Variants in RNF123 observed in about 807,000 individuals in gnomAD.
RNF123 encodes ring finger protein 123, also known as E3 ubiquitin-protein ligase RNF123.
A neutral mutation model predicts 168.5 loss-of-function variants in RNF123; 86 were observed. The ratio of observed to expected loss-of-function variants is 0.51; its 90% CI spans 0.43 to 0.61. The LOEUF (loss-of-function observed/expected upper bound fraction) is 0.61. RNF123 is among the 20% of genes least tolerant of loss of function. The pLI, the probability that RNF123 is intolerant of heterozygous loss-of-function variation, is 0.00. For synonymous variants in RNF123, 666 were observed against 689.1 expected (o/e 0.97, Z 0.52); for missense variants, 1,419 against 1,729.7 (o/e 0.82, Z 3.19).
intron 20 of RNF123, among the ~76,000 whole-genome samples, 185 bp downstream of exon 20, chr3:49,702,938 C>T (rs1262457243): frequency 6.6e-6 from 1 of 152,214 alleles, no homozygotes; most frequent in Non-Finnish European, 1.5e-5. Flanking sequence ...GAGCCCTGCA[C>T]CGCAGGCCTG....
chr3:49,717,937 G>A, intron 35 of RNF123: 1 of 1,602,416 alleles, frequency 6.2e-7, no homozygotes, highest in Non-Finnish European at 8.5e-7. Context: ...CTGGGTGGGG[G>A]AGCCCTGGGC....
chr3:49,695,663 C>G (rs115716820), intron 3 of RNF123, among the ~76,000 whole-genome samples: 1,765 of 152,326 alleles, frequency 0.012, 38 homozygotes, highest in African/African-American at 0.039. Context: ...CTTGTCCAAC[C>G]TTTGTCCCCT....
In RNF123 at chr3:49,721,115, C is replaced by A. The variant is rs200170860; in HGVS notation, c.3824+10C>A. The A allele has an allele frequency of 4.6e-5, 74 of 1,613,664 alleles. No individual in the cohort carries two copies. The highest frequency in any genetic ancestry group is 1.3e-5 in the African/African-American group (1 of 74,912). On this transcript the variant is annotated intron_variant, in intron 38 of 38. Coordinates refer to ENST00000327697, the MANE Select transcript of RNF123 (RefSeq NM_022064.5). Reference sequence around the variant, plus strand: ...GCCACAAGTCCTGCAAGTAAGTGGGCCCCACAGCTTGGTGGTGGGGAGAGC... The same window carrying A: ...GCCACAAGTCCTGCAAGTAAGTGGGACCCACAGCTTGGTGGTGGGGAGAGC...
intron 35 of RNF123, chr3:49,719,221 G>C: frequency 6.2e-7 from 1 of 1,613,126 alleles, no homozygotes; most frequent in Non-Finnish European, 8.5e-7. Context: ...GAAGAGGGGC[G>C]CCAACCAGCC....
chr3:49,719,220 C>T (rs542288680), intron 35 of RNF123: 3 of 1,613,008 alleles, frequency 1.9e-6, no homozygotes, highest in South Asian at 1.1e-5. Context: ...GGAAGAGGGG[C>T]GCCAACCAGC....
chr3:49,690,053 GCC>G (rs2054098056), intron 1 of RNF123, among the ~76,000 whole-genome samples: 1 of 152,230 alleles, frequency 6.6e-6, no homozygotes, highest in Non-Finnish European at 1.5e-5. Flanking sequence ...CCCACCGAGG[GCC>G]CGAGGTCGGG....
intron 23 of RNF123, 42 bp from the exon 24 acceptor site, chr3:49,705,492 G>A (rs779287761): frequency 1.2e-5 from 18 of 1,539,574 alleles, no homozygotes; most frequent in South Asian, 8.8e-5. Context: ...CAGGAGAGCC[G>A]GGATGGCCCT....
Position 49,699,653 on chromosome 3 carries a change from T to A in RNF123, c.880-15T>A, listed in dbSNP as rs2054337090. On this transcript the variant is annotated splice_polypyrimidine_tract_variant and intron_variant, in intron 11 of 38. Coordinates refer to ENST00000327697, the MANE Select transcript of RNF123 (RefSeq NM_022064.5). The surrounding 1 kb of genome is among the most constrained non-coding windows in gnomAD (Gnocchi z 4.8). The stretch of plus-strand genomic sequence containing the variant: ...TCCTGCCCCTCACACTTCTCCCTCC[T>A]CCCCCTCCACACAGGAGGGGCGGCT... 1 of 1,611,710 alleles carries A rather than the reference T, an allele frequency of 6.2e-7. No individual in the cohort carries two copies. The highest frequency in any genetic ancestry group is 8.5e-7 in the Non-Finnish European group (1 of 1,178,558).
rs141392638 is a variant in RNF123, at chr3:49,720,462, T to C, written c.3501-49T>C. The stretch of plus-strand genomic sequence containing the variant: ...CATTGGCAATCCCAAGAGAGACTTT[T>C]AGCCAGGCCCCAAGCCTTCTGACTG... On this transcript the variant is annotated intron_variant, in intron 35 of 38. Coordinates refer to ENST00000327697, the MANE Select transcript of RNF123 (RefSeq NM_022064.5). 743 of 1,503,290 alleles carry C rather than the reference T, an allele frequency of 4.9e-4. 5 individuals carry two copies. Among genetic ancestry groups the C allele is most frequent in the South Asian group, 4.1e-3 (301 of 73,878 alleles). 93.1% of individuals were successfully genotyped at this position (1,503,290 alleles called of 1,614,324 possible). A position where few individuals can be genotyped will look rare whatever the true frequency, so the allele number is the denominator to read the frequency against.
intron 35 of RNF123, chr3:49,718,215 G>A (rs1183817027): frequency 6.2e-7 from 1 of 1,610,760 alleles, no homozygotes; most frequent in Non-Finnish European, 8.5e-7. Context: ...GGGGCCAGCG[G>A]CGGCAGCGGC....
chr3:49,692,358 G>A (rs1335694044), intron 3 of RNF123, among the ~76,000 whole-genome samples: 1 of 152,136 alleles, frequency 6.6e-6, no homozygotes, highest in Non-Finnish European at 1.5e-5. Flanking sequence ...TAATTTTTGT[G>A]GGTATGTAGT....
intron 35 of RNF123, chr3:49,718,243 C>A (rs62640368): frequency 1.2e-6 from 2 of 1,612,022 alleles, no homozygotes; most frequent in Non-Finnish European, 1.7e-6. Flanking sequence ...GCGGCAGCAG[C>A]GGCAGGGTGG....
At chr3:49,702,821 T>C in intron 20 of RNF123, 68 bp downstream of exon 20, 1 of 1,604,902 alleles carries the variant, frequency 6.2e-7, no homozygotes, top group Non-Finnish European at 8.5e-7. Context: ...CCCCTAATGT[T>C]AGTGCAGAGT....
At chr3:49,719,064 C>T in intron 35 of RNF123, 2 of 1,613,796 alleles carry the variant, frequency 1.2e-6, no homozygotes, top group South Asian at 2.2e-5. Context: ...GCTTCTCCAG[C>T]GCCCCCAGCC....
intron 26 of RNF123, among the ~76,000 whole-genome samples, chr3:49,710,476 C>T (rs2108194889): frequency 6.6e-6 from 1 of 151,684 alleles, no homozygotes; most frequent in Non-Finnish European, 1.5e-5. Flanking sequence ...GATGGGGTTT[C>T]ACCTTGTTGG....
rs373220334 is a variant in RNF123, at chr3:49,719,081, G to C, written c.3501-1430G>C. ...TTCTCCAGCGCCCCCAGCCCGTCGAGGTCGTGGCGGCCAAGCGCCCGCAAC... is the reference window on the plus strand; with the variant it reads ...TTCTCCAGCGCCCCCAGCCCGTCGACGTCGTGGCGGCCAAGCGCCCGCAAC... On this transcript the variant is annotated intron_variant, in intron 35 of 38. Coordinates refer to ENST00000327697, the MANE Select transcript of RNF123 (RefSeq NM_022064.5). 1.9e-6 allele frequency: 3 copies of C among 1,613,622 alleles called. No homozygotes were observed. The African/African-American group carries it at 4.0e-5, about 22-fold the overall frequency.
chr3:49,717,404 T>C (rs1476317479), intron 35 of RNF123: 1 of 161,016 alleles, frequency 6.2e-6, no homozygotes, highest in Non-Finnish European at 1.4e-5. Flanking sequence ...TTGTTTCCTC[T>C]TTCTGTCCTG....
In RNF123 at chr3:49,706,784, G is replaced by A. The variant is rs1463442322; in HGVS notation, c.2389-7G>A. 1 of 1,612,970 alleles carries A rather than the reference G, an allele frequency of 6.2e-7. No individual in the cohort carries two copies. Among genetic ancestry groups the A allele is most frequent in the South Asian group, 1.1e-5 (1 of 91,074 alleles). ...CTTGATTGTCCTCCTTTCCCCTTGG[G>A]TGGCAGAGGAAGGACATCCTTGCAG... is the stretch of plus-strand genomic sequence containing the variant. On this transcript the variant is annotated splice_region_variant and splice_polypyrimidine_tract_variant and intron_variant, in intron 25 of 38. Transcript: ENST00000327697.
At chr3:49,719,681 T>G in intron 35 of RNF123, 3 of 529,424 alleles carry the variant, frequency 5.7e-6, no homozygotes, top group Non-Finnish European at 6.8e-6. Context: ...TCGCTAGCCC[T>G]CTCCAAGCGA....
Sources: allele counts gnomAD v4.1 joint callset (sites outside exome capture counted in the v4.1 genomes callset), GRCh38; gene constraint gnomAD v4.1.1; non-coding constraint Gnocchi (gnomAD v3.1); transcripts MANE v1.5; gene names NCBI Gene and HGNC (gene_info 2026-07-23, HGNC 2026-07-21).